The following RBM20 variants were observed in gnomAD, a reference collection of about 807,000 sequenced individuals.
The protein encoded by RBM20 is RNA binding motif protein 20.
Under a neutral mutation model 110.1 loss-of-function variants are expected in RBM20, and 51 were observed. That is an observed-to-expected ratio of 0.46 (90% CI 0.37 to 0.59). RBM20 has a LOEUF of 0.59. Ranked by LOEUF, RBM20 falls within the 20% of genes least tolerant of loss-of-function variation. The pLI, the probability that RBM20 is intolerant of heterozygous loss-of-function variation, is 0.00. For missense variants in RBM20, 1,512 were observed against 1,574.9 expected (o/e 0.96, Z 0.68); for synonymous variants, 589 against 618.2 (o/e 0.95, Z 0.70).
chr10:110,709,417 G>A (rs940291857), intron 1 of RBM20, among the ~76,000 whole-genome samples: 15 of 152,192 alleles, frequency 9.9e-5, no homozygotes, highest in Admixed American at 2.6e-4. Flanking sequence ...ACACTGGCCA[G>A]CATTGCTGCC....
Position 110,823,567 on chromosome 10 carries a change from C to T in RBM20, c.3404C>T (p.Pro1135Leu). ...GAACTGAAACAGCCCCTTTCTTTGC[C>T]CTCTTGGGAACCAGAGGATGTGTTC... Reference protein sequence around the residue: ...EVELKQPLSLPSWEPEDVFSE... With the variant: ...EVELKQPLSLLSWEPEDVFSE... The change falls in exon 12 of 14, where the codon CCC (proline) becomes CTC (leucine). Residue 1135 changes from proline to leucine, a missense_variant. Coordinates refer to ENST00000369519, the MANE Select transcript of RBM20 (RefSeq NM_001134363.3). 6.4e-7 allele frequency: 1 copy of T among 1,551,056 alleles called. No individual in the cohort carries two copies. Among genetic ancestry groups the T allele is most frequent in the Non-Finnish European group, 8.7e-7 (1 of 1,146,886 alleles).
At chr10:110,830,499 GC>G (rs972007247) in intron 12 of RBM20, among the ~76,000 whole-genome samples, 1 of 152,054 alleles carries the variant, frequency 6.6e-6, no homozygotes, top group Non-Finnish European at 1.5e-5. Context: ...GACTAAAATG[GC>G]CCCCCCAAAA....
rs534597384 is a variant in RBM20 at position 110,722,626 on chromosome 10, CTAAAGTCTCT to C, written c.192-58173_192-58164del. On this transcript the variant is annotated intron_variant, in intron 1 of 13. Coordinates refer to ENST00000369519, the MANE Select transcript of RBM20 (RefSeq NM_001134363.3). ...AAATATTAAAACATTACACATAAAG[CTAAAGTCTCT>C]TTTTTCCACCACTCTCAAACTCAGA... 2.8e-3 allele frequency among the ~76,000 whole-genome samples: 432 copies of C among 152,226 alleles called. 6 individuals are homozygous for C. Among genetic ancestry groups the C allele is most frequent in the African/African-American group, 9.6e-3 (400 of 41,536 alleles).
chr10:110,780,057 G>A (rs1844317019), intron 1 of RBM20, among the ~76,000 whole-genome samples: 1 of 152,092 alleles, frequency 6.6e-6, no homozygotes, highest in South Asian at 2.1e-4. Flanking sequence ...GCAATCACGG[G>A]GAAGGGTGAG....
intron 1 of RBM20, among the ~76,000 whole-genome samples, chr10:110,703,771 T>C (rs1862794039): frequency 6.6e-6 from 1 of 152,206 alleles, no homozygotes; most frequent in South Asian, 2.1e-4. Flanking sequence ...TGGCAGGGAC[T>C]AATCTGTTCT....
intron 12 of RBM20, among the ~76,000 whole-genome samples, chr10:110,828,299 A>G (rs1418423721): frequency 6.6e-6 from 1 of 152,184 alleles, no homozygotes; most frequent in East Asian, 1.9e-4. Context: ...TCCCCGTCAC[A>G]TTCCAGAAGT....
chr10:110,837,297 C>CTCTA lies in RBM20; in HGVS notation c.*1320_*1323dup, dbSNP rs2135150874. 1 of 152,286 alleles carries CTCTA rather than the reference C, an allele frequency of 6.6e-6. No homozygotes were observed. The highest frequency in any genetic ancestry group is 6.5e-5 in the Admixed American group (1 of 15,300). 9.4% of individuals were successfully genotyped at this position (152,286 alleles called of 1,614,324 possible). Reference sequence around the variant, plus strand: ...GGTGGGTACCTTCAGGCTGTGGGGTCTCTAGCCTGATATTCCATTGAAAGG... The same window carrying CTCTA: ...GGTGGGTACCTTCAGGCTGTGGGGTCTCTATCTAGCCTGATATTCCATTGAAAGG... On this transcript the variant is annotated 3_prime_UTR_variant, in exon 14 of 14. Transcript: ENST00000369519.
At chr10:110,775,121 T>C (rs1327404961) in intron 1 of RBM20, among the ~76,000 whole-genome samples, 1 of 152,232 alleles carries the variant, frequency 6.6e-6, no homozygotes, top group Admixed American at 6.5e-5. Context: ...GATCATAAAT[T>C]CTCAACTCTG....
chr10:110,833,041 T>A (rs746166758), intron 13 of RBM20, among the ~76,000 whole-genome samples: 17 of 152,156 alleles, frequency 1.1e-4, no homozygotes, highest in Non-Finnish European at 1.9e-4. Context: ...TTGGAAATCA[T>A]CTGGTCCTGG....
chr10:110,755,231 G>A (rs541474324), intron 1 of RBM20, among the ~76,000 whole-genome samples: 6 of 152,282 alleles, frequency 3.9e-5, no homozygotes, highest in Admixed American at 6.5e-5. Flanking sequence ...CCAGCTTACT[G>A]TAGGTATATG....
chr10:110,752,709 C>G lies in RBM20; in HGVS notation c.192-28092C>G, dbSNP rs955977828. Among the ~76,000 whole-genome samples the G allele has an allele frequency of 5.9e-5, 9 of 151,896 alleles. No homozygotes were observed. In the South Asian group the frequency reaches 1.9e-3, roughly 32 times the overall value. ...CAAAGTTTAACAAATAAAGCAAACA[C>G]CTATGTATCTATCACTGGGTCAATA... On this transcript the variant is annotated intron_variant, in intron 1 of 13. Coordinates refer to ENST00000369519, the MANE Select transcript of RBM20 (RefSeq NM_001134363.3).
intron 9 of RBM20, among the ~76,000 whole-genome samples, chr10:110,819,698 G>A (rs183127883): frequency 3.9e-5 from 6 of 152,276 alleles, no homozygotes; most frequent in East Asian, 1.9e-4. Flanking sequence ...AAATGTCACC[G>A]TGATGGTTAA....
chr10:110,783,367 A>T lies in RBM20; in HGVS notation c.1277A>T (p.Asp426Val). 6.4e-7 allele frequency: 1 copy of T among 1,550,892 alleles called. No individual in the cohort carries two copies. Among genetic ancestry groups the T allele is most frequent in the Non-Finnish European group, 8.7e-7 (1 of 1,146,390 alleles). ...ICDKKVFDLKDWELHVKGKLH... is the reference protein window; with the variant it reads ...ICDKKVFDLKVWELHVKGKLH... ...CACTTTTCTTTCCTTCTGACCTAGGACTGGGAGCTGCATGTGAAAGGGAAG... is the reference window on the plus strand; with the variant it reads ...CACTTTTCTTTCCTTCTGACCTAGGTCTGGGAGCTGCATGTGAAAGGGAAG... Residue 426 changes from aspartate to valine, a missense_variant and splice_region_variant, in exon 3 of 14, where the codon GAC becomes GTC. Transcript: ENST00000369519.
chr10:110,661,047 C>G (rs550428980), intron 1 of RBM20, among the ~76,000 whole-genome samples: 1 of 152,158 alleles, frequency 6.6e-6, no homozygotes, highest in Non-Finnish European at 1.5e-5. Context: ...TGATTTACCC[C>G]CCAGGGCCTA....
intron 1 of RBM20, among the ~76,000 whole-genome samples, chr10:110,777,348 TATG>T (rs1470429210): frequency 2.0e-5 from 3 of 152,210 alleles, no homozygotes; most frequent in Non-Finnish European, 4.4e-5. Context: ...GGTTCAGAAA[TATG>T]ATCACTACTA....
At position 110,669,293 on chromosome 10, in the gene RBM20, T is replaced by C. The variant is rs552316787; in HGVS notation, c.191+24648T>C. Among the ~76,000 whole-genome samples the C allele has an allele frequency of 1.6e-4, 25 of 152,124 alleles. 1 individual carries two copies. Among genetic ancestry groups the C allele is most frequent in the East Asian group, 1.4e-3 (7 of 5,164 alleles). The stretch of plus-strand genomic sequence containing the variant: ...AAGGAGTGTGGCAAGTCTGTATGCG[T>C]GTGGCGGGGTAGGGGGGACAGGGTT... On this transcript the variant is annotated intron_variant, in intron 1 of 13. Coordinates refer to ENST00000369519, the MANE Select transcript of RBM20 (RefSeq NM_001134363.3).
Position 110,780,755 on chromosome 10 carries a change from C to A in RBM20, c.192-46C>A, listed in dbSNP as rs140119703. 2.5e-5 allele frequency: 37 copies of A among 1,468,818 alleles called. No individual in the cohort carries two copies. In the Admixed American group the frequency reaches 4.2e-4, roughly 17 times the overall value. The allele number at this position is 1,468,818 out of a possible 1,614,324, so 91.0% of individuals were successfully genotyped here. A position where few individuals can be genotyped will look rare whatever the true frequency, so the allele number is the denominator to read the frequency against. On this transcript the variant is annotated intron_variant, in intron 1 of 13. Coordinates refer to ENST00000369519, the MANE Select transcript of RBM20 (RefSeq NM_001134363.3). ...ATAACAAAGAACAGCCCCTTGCCCC[C>A]CTCATTGAAAACCAGCTGTGCATCT...
chr10:110,729,388 C>T (rs944582936), intron 1 of RBM20, among the ~76,000 whole-genome samples: 50 of 152,306 alleles, frequency 3.3e-4, no homozygotes, highest in African/African-American at 1.2e-3. Context: ...CCTAGTAAAC[C>T]TTGCACTTTT....
intron 12 of RBM20, among the ~76,000 whole-genome samples, chr10:110,826,605 A>G (rs150588535): frequency 0.02 from 2,974 of 149,394 alleles, 101 homozygotes; most frequent in African/African-American, 0.07. Flanking sequence ...TTTTTGAGAC[A>G]AAGTTTTTCT....
Sources: allele counts gnomAD v4.1 joint callset (sites outside exome capture counted in the v4.1 genomes callset), GRCh38; gene constraint gnomAD v4.1.1; transcripts MANE v1.5; gene names NCBI Gene and HGNC (gene_info 2026-07-23, HGNC 2026-07-21).